Variants in PDE4D observed in about 807,000 individuals in gnomAD.
PDE4D encodes 3',5'-cyclic-AMP phosphodiesterase 4D.
Under a neutral mutation model 87.4 loss-of-function variants are expected in PDE4D, and 24 were observed. The observed-to-expected ratio is 0.27, with a 90% CI of 0.20 to 0.39. PDE4D has a LOEUF of 0.39. PDE4D is among the 10% of genes least tolerant of loss of function. The pLI, the probability that PDE4D is intolerant of heterozygous loss-of-function variation, is 1.00. For missense variants in PDE4D, 714 were observed against 1,041.0 expected, an observed-to-expected ratio of 0.69 and a Z score of 4.32; for synonymous variants, 384 against 383.2, an observed-to-expected ratio of 1.00 and a Z score of -0.02.
At chr5:59,565,468 A>G (rs1820719454) in intron 1 of PDE4D, among the ~76,000 whole-genome samples, 1 of 152,200 alleles carries the variant, frequency 6.6e-6, no homozygotes. Flanking sequence ...ACAGTGAGCC[A>G]TAACTGCACC....
intron 2 of PDE4D, among the ~76,000 whole-genome samples, chr5:60,026,138 A>G (rs893716337): frequency 2.6e-5 from 4 of 152,222 alleles, no homozygotes; most frequent in Non-Finnish European, 5.9e-5. Flanking sequence ...GTTCATTTAC[A>G]TGTGCAAAAA....
At chr5:59,194,992 G>C (rs1365982923) in intron 2 of PDE4D, among the ~76,000 whole-genome samples, 1 of 152,028 alleles carries the variant, frequency 6.6e-6, no homozygotes, top group Non-Finnish European at 1.5e-5. Flanking sequence ...CATAAGAGTG[G>C]GTTGTTATAA....
intron 2 of PDE4D, among the ~76,000 whole-genome samples, chr5:60,057,182 G>T (rs1469107843): frequency 6.6e-6 from 1 of 152,010 alleles, no homozygotes; most frequent in Non-Finnish European, 1.5e-5. Context: ...ATATTTAGAT[G>T]ATGAAAGTAA....
At chr5:59,272,811 A>T (rs989029178) in intron 1 of PDE4D, among the ~76,000 whole-genome samples, 13 of 152,146 alleles carry the variant, frequency 8.5e-5, no homozygotes, top group Non-Finnish European at 8.8e-5. Context: ...TAAAATGTGA[A>T]TATCTCATAG....
chr5:59,927,831 A>AT (rs1267759798), intron 3 of PDE4D, among the ~76,000 whole-genome samples: 1 of 152,232 alleles, frequency 6.6e-6, no homozygotes, highest in Non-Finnish European at 1.5e-5. Context: ...TGCCAATGTG[A>AT]TTGTCTAGTT....
At chr5:59,011,816 A>C (rs1477140816) in intron 6 of PDE4D, among the ~76,000 whole-genome samples, 1 of 152,160 alleles carries the variant, frequency 6.6e-6, no homozygotes, top group Non-Finnish European at 1.5e-5. Context: ...CCACGAAGAT[A>C]CTCCTCAAGA....
At chr5:59,374,383 T>G (rs1784390472) in intron 1 of PDE4D, among the ~76,000 whole-genome samples, 1 of 151,894 alleles carries the variant, frequency 6.6e-6, no homozygotes, top group South Asian at 2.1e-4. Context: ...CAATCCTAGT[T>G]TCTGACAAAA....
chr5:59,071,139 C>T (rs537007771), intron 5 of PDE4D, among the ~76,000 whole-genome samples: 8 of 152,308 alleles, frequency 5.3e-5, no homozygotes, highest in African/African-American at 1.9e-4. Flanking sequence ...AAAGGCATCA[C>T]TTCATTCTTT....
At chr5:59,854,743 T>C (rs1013635651) in intron 1 of PDE4D, among the ~76,000 whole-genome samples, 5 of 152,028 alleles carry the variant, frequency 3.3e-5, no homozygotes, top group African/African-American at 1.2e-4. Context: ...TCACCCTATA[T>C]AATAGAGACA....
intron 1 of PDE4D, among the ~76,000 whole-genome samples, chr5:60,200,856 G>A (rs1741819461): frequency 6.6e-6 from 1 of 152,088 alleles, no homozygotes; most frequent in Non-Finnish European, 1.5e-5. Context: ...TAAAGTAATA[G>A]ACCAAGGGAA....
chr5:59,187,711 A>G (rs1441758708), intron 3 of PDE4D, among the ~76,000 whole-genome samples: 1 of 152,208 alleles, frequency 6.6e-6, no homozygotes, highest in East Asian at 1.9e-4. Context: ...TGCAATAAAT[A>G]ATCTTGTAGA....
chr5:59,106,940 A>G (rs981097625), intron 5 of PDE4D, among the ~76,000 whole-genome samples: 9 of 152,194 alleles, frequency 5.9e-5, no homozygotes, highest in African/African-American at 1.7e-4. Context: ...TTTTTCTCCA[A>G]TAGTTTTGAA....
chr5:59,464,536 A>G (rs933932090), intron 1 of PDE4D, among the ~76,000 whole-genome samples: 5 of 152,280 alleles, frequency 3.3e-5, no homozygotes, highest in African/African-American at 1.2e-4. Context: ...TTGCCTTGTG[A>G]CCCTGACACA....
intron 2 of PDE4D, among the ~76,000 whole-genome samples, chr5:60,074,127 T>C (rs1665801055): frequency 6.6e-6 from 1 of 152,150 alleles, no homozygotes; most frequent in Non-Finnish European, 1.5e-5. Flanking sequence ...AGGTTGTTTA[T>C]TTTAAATCTT....
intron 1 of PDE4D, among the ~76,000 whole-genome samples, chr5:59,457,507 C>T (rs1800109299): frequency 1.3e-5 from 2 of 152,272 alleles, no homozygotes; most frequent in African/African-American, 4.8e-5. Context: ...TGAAACCCAA[C>T]CTACCATATC....
chr5:59,993,830 A>C (rs940983826), intron 2 of PDE4D, among the ~76,000 whole-genome samples: 1 of 152,052 alleles, frequency 6.6e-6, no homozygotes, highest in African/African-American at 2.4e-5. Flanking sequence ...AAATAAAAGA[A>C]ATGCTCACAT....
chr5:60,407,069 G>C (rs1379076027), intron 1 of PDE4D, among the ~76,000 whole-genome samples: 1 of 152,168 alleles, frequency 6.6e-6, no homozygotes, highest in South Asian at 2.1e-4. Context: ...AAAAAGCGGA[G>C]GCCAAGCAAG....
intron 1 of PDE4D, among the ~76,000 whole-genome samples, chr5:59,791,068 G>C (rs777080796): frequency 6.6e-6 from 1 of 152,190 alleles, no homozygotes; most frequent in African/African-American, 2.4e-5. Context: ...CACAGACTCA[G>C]AGTCCTGACA....
At chr5:59,815,895 G>T (rs1768920305) in intron 1 of PDE4D, among the ~76,000 whole-genome samples, 1 of 152,170 alleles carries the variant, frequency 6.6e-6, no homozygotes, top group Non-Finnish European at 1.5e-5. Flanking sequence ...TCATCAAGAA[G>T]ACCTGAAATT....
Sources: gnomAD v4.1 joint callset for allele counts (sites outside exome capture counted in the v4.1 genomes callset) on GRCh38, gnomAD v4.1.1 for gene constraint, MANE v1.5 for transcripts, NCBI Gene and HGNC (gene_info 2026-07-23, HGNC 2026-07-21) for gene names.